Variants in MLLT10 observed in about 807,000 individuals in gnomAD.
MLLT10 encodes protein AF-10.
Under a neutral mutation model 129.1 loss-of-function variants are expected in MLLT10, and 30 were observed. The ratio of observed to expected loss-of-function variants is 0.23; its 90% confidence interval spans 0.17 to 0.32. MLLT10 has a LOEUF of 0.32. Among genes scored for constraint, MLLT10 ranks in the 10% least tolerant of loss-of-function variants. The pLI is 1.00. For synonymous variants in MLLT10, 490 were observed against 446.4 expected, an observed-to-expected ratio of 1.10 and a Z score of -1.23; for missense variants, 1,119 against 1,268.3, an observed-to-expected ratio of 0.88 and a Z score of 1.79.
chr10:21,738,405 CAT>C, intron 21 of MLLT10: 1 of 1,288,448 alleles, frequency 7.8e-7, no homozygotes, highest in Non-Finnish European at 1.0e-6. Flanking sequence ...CTAATAATAG[CAT>C]GTGTAGCTGT....
chr10:21,554,147 T>A (rs2037528996), intron 3 of MLLT10, among the ~76,000 whole-genome samples: 1 of 152,218 alleles, frequency 6.6e-6, no homozygotes, highest in Non-Finnish European at 1.5e-5. Context: ...TTTGAATTAT[T>A]TCTTTGATAA....
chr10:21,563,085 C>T (rs1389386069), intron 3 of MLLT10, among the ~76,000 whole-genome samples: 3 of 152,070 alleles, frequency 2.0e-5, no homozygotes, highest in Admixed American at 6.6e-5. Flanking sequence ...CACCATCTTC[C>T]CAGAATCCTC....
intron 8 of MLLT10, among the ~76,000 whole-genome samples, chr10:21,622,525 A>C (rs1264330676): frequency 3.3e-5 from 5 of 152,174 alleles, no homozygotes; most frequent in Non-Finnish European, 7.3e-5. Context: ...GAACCAGAGC[A>C]TATATTTAAA....
At chr10:21,562,329 TTTTATTTA>T (rs986252122) in intron 3 of MLLT10, among the ~76,000 whole-genome samples, 1 of 147,942 alleles carries the variant, frequency 6.8e-6, no homozygotes, top group Non-Finnish European at 1.5e-5. Flanking sequence ...ATTTTTGTTT[TTTTATTTA>T]TTTATTTATT....
chr10:21,641,685 A>G (rs1564560997), intron 8 of MLLT10, among the ~76,000 whole-genome samples: 1 of 152,130 alleles, frequency 6.6e-6, no homozygotes, highest in Non-Finnish European at 1.5e-5. Context: ...AAGAAATATT[A>G]TTTCCTCAAA....
chr10:21,742,047 C>T lies in MLLT10; in HGVS notation c.*64C>T. 6.7e-7 allele frequency: 1 copy of T among 1,486,898 alleles called. No homozygotes were observed. The highest frequency in any genetic ancestry group is 9.3e-7 in the Non-Finnish European group (1 of 1,071,250). 92.1% of individuals were successfully genotyped at this position (1,486,898 alleles called of 1,614,324 possible). A position where few individuals can be genotyped will look rare whatever the true frequency, so the allele number is the denominator to read the frequency against. ...CTAGCACTTCATCTGGCTGCCTTTG[C>T]AGTCCTTTTACTACAGCTATGAAGA... On this transcript the variant is annotated 3_prime_UTR_variant, in exon 23 of 23. Transcript: ENST00000307729.
chr10:21,583,676 T>G (rs187743515), intron 3 of MLLT10, among the ~76,000 whole-genome samples: 1 of 152,016 alleles, frequency 6.6e-6, no homozygotes, highest in Non-Finnish European at 1.5e-5. Context: ...GGCAGGCTCT[T>G]TTTACCAATC....
At chr10:21,549,141 T>A (rs907263428) in intron 3 of MLLT10, among the ~76,000 whole-genome samples, 10 of 149,268 alleles carry the variant, frequency 6.7e-5, no homozygotes, top group South Asian at 2.1e-4. Flanking sequence ...TTTTTTTTTT[T>A]AGACTTGAGT....
At chr10:21,733,314 T>G (rs962157003) in intron 18 of MLLT10, among the ~76,000 whole-genome samples, 190 bp from the exon 19 acceptor site, 1 of 152,210 alleles carries the variant, frequency 6.6e-6, no homozygotes, top group African/African-American at 2.4e-5. Context: ...GATCTCGTTA[T>G]TGATTTAAAG....
intron 8 of MLLT10, chr10:21,625,648 G>A: frequency 1.3e-6 from 1 of 760,818 alleles, no homozygotes; most frequent in Admixed American, 1.7e-5. Flanking sequence ...TGACTTTACT[G>A]AATTCTTCCA....
chr10:21,603,652 T>G (rs2043777109), intron 5 of MLLT10, among the ~76,000 whole-genome samples: 1 of 152,062 alleles, frequency 6.6e-6, no homozygotes, highest in African/African-American at 2.4e-5. Flanking sequence ...TAACAAAATA[T>G]CACAAACTGG....
At chr10:21,717,692 CTCCTCCTCT>C (rs2056773995) in intron 14 of MLLT10, among the ~76,000 whole-genome samples, 1 of 104,852 alleles carries the variant, frequency 9.5e-6, no homozygotes, top group Non-Finnish European at 1.9e-5. Flanking sequence ...CCTCCTCCTC[CTCCTCCTCT>C]TCCTCCTCCT....
intron 21 of MLLT10, among the ~76,000 whole-genome samples, chr10:21,739,448 A>T (rs894976406): frequency 6.6e-6 from 1 of 151,610 alleles, no homozygotes; most frequent in Admixed American, 6.6e-5. Context: ...ATTAAACCCT[A>T]CTCCCTCCAG....
At chr10:21,560,783 A>T (rs1314324811) in intron 3 of MLLT10, among the ~76,000 whole-genome samples, 1 of 152,188 alleles carries the variant, frequency 6.6e-6, no homozygotes, top group African/African-American at 2.4e-5. Flanking sequence ...CTTGCTAATG[A>T]TGTAAAGTGG....
chr10:21,664,128 C>G (rs1272554562), intron 9 of MLLT10, among the ~76,000 whole-genome samples: 1 of 151,982 alleles, frequency 6.6e-6, no homozygotes, highest in East Asian at 1.9e-4. Flanking sequence ...CTTCTTTGAC[C>G]TATGAGTTAC....
At chr10:21,621,002 T>C (rs2045758918) in intron 8 of MLLT10, among the ~76,000 whole-genome samples, 1 of 151,216 alleles carries the variant, frequency 6.6e-6, no homozygotes, top group Non-Finnish European at 1.5e-5. Context: ...TTTTTTTTCC[T>C]GAGACGGAGT....
At chr10:21,717,546 CTTCT>C (rs1320555664) in intron 14 of MLLT10, among the ~76,000 whole-genome samples, 7 of 86,940 alleles carry the variant, frequency 8.1e-5, no homozygotes, top group Non-Finnish European at 1.1e-4. Context: ...CTCCTCCCTT[CTTCT>C]TTCTTCTTCT....
At chr10:21,622,222 A>G (rs572940031) in intron 8 of MLLT10, among the ~76,000 whole-genome samples, 2 of 135,026 alleles carry the variant, frequency 1.5e-5, no homozygotes, top group African/African-American at 5.7e-5. Flanking sequence ...CAGTGGCACC[A>G]CCATAGCTCA....
intron 8 of MLLT10, among the ~76,000 whole-genome samples, chr10:21,646,850 TC>T (rs201717936): frequency 4.0e-5 from 6 of 148,480 alleles, no homozygotes; most frequent in Admixed American, 2.7e-4. Context: ...CTCTGACTAT[TC>T]CCTTTTTTTT....
Sources: allele counts gnomAD v4.1 joint callset (sites outside exome capture counted in the v4.1 genomes callset), GRCh38; gene constraint gnomAD v4.1.1; transcripts MANE v1.5; gene names NCBI Gene and HGNC (gene_info 2026-07-23, HGNC 2026-07-21).